The following ART3 variants were observed in gnomAD, a reference collection of about 807,000 sequenced individuals.
The protein encoded by ART3 is ecto-ADP-ribosyltransferase 3.
A neutral mutation model predicts 48.5 loss-of-function variants in ART3; 49 were observed. That is an observed-to-expected ratio of 1.01 (90% CI 0.80 to 1.28). ART3 has a LOEUF of 1.28. Among genes scored for constraint, ART3 ranks in the 50% most tolerant of loss-of-function variants. ART3 has a pLI of 0.00. For missense variants in ART3, 438 were observed against 454.3 expected (o/e 0.96, Z 0.33); for synonymous variants, 145 against 157.2 (o/e 0.92, Z 0.58).
At chr4:76,016,034 A>C (rs904038016) in intron 1 of ART3, among the ~76,000 whole-genome samples, 5 of 152,076 alleles carry the variant, frequency 3.3e-5, no homozygotes, top group African/African-American at 1.2e-4. Context: ...TGTGTCTTTG[A>C]TTTTGGTATC....
Position 76,103,957 on chromosome 4 carries a change from A to T in ART3, c.958A>T (p.Thr320Ser). Residue 320 changes from threonine to serine, a missense_variant, in exon 9 of 12, where the codon ACC (threonine) becomes TCC (serine). This residue lies in a region of ART3 where 227 missense variants were observed against 229.6 expected (regional missense o/e 0.99). Coordinates refer to ENST00000355810, the MANE Select transcript of ART3 (RefSeq NM_001130016.3). ...TTTAGGTGTGAAAATCCTTGAACCC[A>T]CCCAAATACCTGGTAAGACAGCTTT... is the stretch of plus-strand genomic sequence containing the variant. ...EDHGVKILEP[T>S]QIPGMKIPEP... The T allele has an allele frequency of 1.9e-6, 3 of 1,613,634 alleles. No individual in the cohort carries two copies. The highest frequency in any genetic ancestry group is 1.1e-5 in the South Asian group (1 of 91,060).
intron 1 of ART3, chr4:76,021,887 T>A (rs751103662): frequency 2.1e-5 from 33 of 1,585,972 alleles, no homozygotes; most frequent in Non-Finnish European, 2.6e-6. Flanking sequence ...CTCTGTGTGG[T>A]CCATCCTTGG....
intron 3 of ART3, among the ~76,000 whole-genome samples, chr4:76,085,470 G>A (rs1723350349): frequency 6.6e-6 from 1 of 152,166 alleles, no homozygotes; most frequent in African/African-American, 2.4e-5. Flanking sequence ...ACCTGCACTT[G>A]TATATTCCTG....
intron 1 of ART3, among the ~76,000 whole-genome samples, chr4:76,025,158 G>A (rs1733260314): frequency 6.6e-6 from 1 of 151,454 alleles, no homozygotes; most frequent in African/African-American, 2.4e-5. Context: ...GCAAAGAGGC[G>A]TTCGTTCTGA....
upstream of ART3, among the ~76,000 whole-genome samples, chr4:76,073,262 C>T (rs1228879543): frequency 1.3e-5 from 2 of 152,178 alleles, no homozygotes; most frequent in South Asian, 2.1e-4. Flanking sequence ...TGGAGGCCAG[C>T]GACAGGAGAA....
intron 1 of ART3, among the ~76,000 whole-genome samples, chr4:76,038,953 C>A (rs992931056): frequency 1.3e-5 from 2 of 151,968 alleles, no homozygotes. Context: ...GAACTCCTAA[C>A]CTCAGGTGAT....
At chr4:76,057,673 A>G (rs544652544) in intron 1 of ART3, among the ~76,000 whole-genome samples, 2 of 152,318 alleles carry the variant, frequency 1.3e-5, no homozygotes, top group South Asian at 4.1e-4. Flanking sequence ...CAGAGAGGTA[A>G]GAAGCATGTC....
intron 1 of ART3, among the ~76,000 whole-genome samples, chr4:76,027,909 C>T (rs1195613515): frequency 6.6e-6 from 1 of 151,414 alleles, no homozygotes; most frequent in Non-Finnish European, 1.5e-5. Flanking sequence ...GTTAACTCTG[C>T]TAACCAAATC....
At chr4:76,089,968 T>C (rs1175924610) in intron 3 of ART3, among the ~76,000 whole-genome samples, 1 of 152,164 alleles carries the variant, frequency 6.6e-6, no homozygotes, top group Non-Finnish European at 1.5e-5. Flanking sequence ...TAGTCCCAGC[T>C]ACTCGGGAGG....
At chr4:76,037,783 A>G (rs1734575688) in intron 1 of ART3, among the ~76,000 whole-genome samples, 1 of 152,194 alleles carries the variant, frequency 6.6e-6, no homozygotes, top group African/African-American at 2.4e-5. Context: ...ACATGAGAAA[A>G]TCACTGTAAC....
chr4:76,067,553 G>C (rs1719867427), intron 1 of ART3, among the ~76,000 whole-genome samples: 1 of 152,196 alleles, frequency 6.6e-6, no homozygotes, highest in African/African-American at 2.4e-5. Context: ...ACAGAGAACA[G>C]AGAACAAACT....
At chr4:76,013,450 C>T (rs1249878697) in intron 1 of ART3, among the ~76,000 whole-genome samples, 1 of 152,146 alleles carries the variant, frequency 6.6e-6, no homozygotes, top group East Asian at 1.9e-4. Context: ...CACACACACA[C>T]CCCTGTGTAT....
In ART3 at chr4:76,104,623, C is replaced by G; in HGVS notation, c.997C>G (p.Leu333Val). Residue 333 changes from leucine to valine, a missense_variant, in exon 10 of 12, where the codon CTA becomes GTA. By Grantham distance (32) the Leu-to-Val change is conservative. This residue lies in a region of ART3 where 227 missense variants were observed against 229.6 expected (regional missense o/e 0.99). Coordinates refer to ENST00000355810, the MANE Select transcript of ART3 (RefSeq NM_001130016.3). ...PGMKIPEPFP[L>V]PEDKSQGNIN... ...AATGAAAATTCCAGAACCTTTTCCA[C>G]TACCTGGTAAGCAACTGATAGGCAT... 1.3e-6 allele frequency: 2 copies of G among 1,551,582 alleles called. No homozygotes were observed. Among genetic ancestry groups the G allele is most frequent in the Non-Finnish European group, 1.7e-6 (2 of 1,146,906 alleles).
At chr4:76,051,421 G>A (rs1005940634) in intron 1 of ART3, among the ~76,000 whole-genome samples, 1 of 152,092 alleles carries the variant, frequency 6.6e-6, no homozygotes, top group Admixed American at 6.5e-5. Context: ...TTAGGCACTG[G>A]GTAAGGCTCT....
chr4:76,104,975 C>T (rs1316229448), intron 10 of ART3, among the ~76,000 whole-genome samples: 2 of 152,164 alleles, frequency 1.3e-5, no homozygotes, highest in East Asian at 1.9e-4. Context: ...CTTCACGTAA[C>T]GCTGCTGTCA....
chr4:76,076,073 C>A (rs7693678), intron 2 of ART3, 115 bp downstream of exon 2: 93,351 of 861,218 alleles, frequency 0.11, 9,835 homozygotes, highest in African/African-American at 0.47. Context: ...GGCTCGATTT[C>A]GGCTCACTGC....
chr4:76,107,214 GAC>G (rs1198950625), intron 10 of ART3: 1 of 152,124 alleles, frequency 6.6e-6, no homozygotes, highest in Non-Finnish European at 1.5e-5. Flanking sequence ...GATTTATTGA[GAC>G]ACAACCCCAT....
At chr4:76,101,680 A>T (rs953928539) in intron 8 of ART3, among the ~76,000 whole-genome samples, 3 of 152,090 alleles carry the variant, frequency 2.0e-5, no homozygotes, top group Admixed American at 6.5e-5. Context: ...TGAACCTGGG[A>T]GGTGGAGGTT....
chr4:76,017,253 G>T (rs1732350960), intron 1 of ART3, among the ~76,000 whole-genome samples: 1 of 148,782 alleles, frequency 6.7e-6, no homozygotes, highest in Non-Finnish European at 1.5e-5. Flanking sequence ...TTGGCTGCTG[G>T]TTATTCAGTG....
Sources: gnomAD v4.1 joint callset for allele counts (sites outside exome capture counted in the v4.1 genomes callset) on GRCh38, gnomAD v4.1.1 for gene constraint, gnomAD v4.1.1 regional missense constraint, MANE v1.5 for transcripts, NCBI Gene and HGNC (gene_info 2026-07-23, HGNC 2026-07-21) for gene names.